Variants in ARSK observed in about 807,000 individuals in gnomAD.
ARSK encodes arylsulfatase family member K, also known as arylsulfatase K.
Under a neutral mutation model 53.2 loss-of-function variants are expected in ARSK, and 37 were observed. That is an observed-to-expected ratio of 0.70 (90% CI 0.54 to 0.92). ARSK has a LOEUF of 0.92. Among genes scored for constraint, ARSK ranks in the 40% least tolerant of loss-of-function variants. The probability of loss-of-function intolerance (pLI) is 0.00; values close to 1 mark genes in which losing one functional copy is unlikely to be tolerated. For synonymous variants in ARSK, 208 were observed against 223.2 expected (o/e 0.93, Z 0.61); for missense variants, 613 against 643.0 (o/e 0.95, Z 0.51).
intron 3 of ARSK, among the ~76,000 whole-genome samples, chr5:95,582,358 A>G (rs1749033499): frequency 6.6e-6 from 1 of 152,120 alleles, no homozygotes. Context: ...CTGGTTTATA[A>G]TGGATATGAA....
At position 95,583,039 on chromosome 5, in the gene ARSK, A is replaced by T; in HGVS notation, c.540A>T (p.Thr180=). Residue 180 remains threonine (T), a synonymous_variant, in exon 4 of 8, where the codon ACA becomes ACT. Coordinates refer to ENST00000380009, the MANE Select transcript of ARSK (RefSeq NM_198150.3). Reference sequence around the variant, plus strand: ...TGATGGAAAGGGATTGGCAGAATACAGACAAAGCAGTAAACTGGTTAAGAA... The same window carrying T: ...TGATGGAAAGGGATTGGCAGAATACTGACAAAGCAGTAAACTGGTTAAGAA... ...VRVMERDWQN[T]DKAVNWLRKE... 2 of 1,613,890 alleles carry T rather than the reference A, an allele frequency of 1.2e-6. No homozygotes were observed. Among genetic ancestry groups the T allele is most frequent in the Non-Finnish European group, 1.7e-6 (2 of 1,179,804 alleles).
chr5:95,591,592 G>C lies in ARSK; in HGVS notation c.1063G>C (p.Val355Leu), dbSNP rs1226748167. ...IKAGLQVSNV[V>L]SLVDIYPTML... ...AGCCGGCCTACAAGTATCAAATGTGGTTTCTCTTGTGGATATTTACCCTAC... is the reference window on the plus strand; with the variant it reads ...AGCCGGCCTACAAGTATCAAATGTGCTTTCTCTTGTGGATATTTACCCTAC... Residue 355 changes from valine to leucine, a missense_variant, in exon 6 of 8, where the codon GTT becomes CTT. Transcript: ENST00000380009. 3.7e-6 allele frequency: 6 copies of C among 1,613,982 alleles called. No individual in the cohort carries two copies. The highest frequency in any genetic ancestry group is 4.2e-6 in the Non-Finnish European group (5 of 1,180,012).
In ARSK at chr5:95,555,303, G is replaced by A; in HGVS notation, c.25G>A (p.Val9Ile). The change falls in exon 1 of 8, where the codon GTC becomes ATC. Residue 9 changes from valine (V) to isoleucine (I), a missense_variant. Coordinates refer to ENST00000380009, the MANE Select transcript of ARSK (RefSeq NM_198150.3). This position sits in a 1 kb window ranked among gnomAD's most constrained non-coding sequence, Gnocchi z 4.0. ...GATGCTACTGCTGTGGGTGTCGGTGGTCGCAGCCTTGGCGCTGGCGGTACT... is the reference window on the plus strand; with the variant it reads ...GATGCTACTGCTGTGGGTGTCGGTGATCGCAGCCTTGGCGCTGGCGGTACT... MLLLWVSV[V>I]AALALAVLAP... The A allele has an allele frequency of 6.2e-7, 1 of 1,603,196 alleles. No individual in the cohort carries two copies. Among genetic ancestry groups the A allele is most frequent in the South Asian group, 1.1e-5 (1 of 90,676 alleles).
intron 7 of ARSK, among the ~76,000 whole-genome samples, chr5:95,602,921 A>G (rs1749427344): frequency 6.6e-6 from 1 of 152,190 alleles, no homozygotes; most frequent in South Asian, 2.1e-4. Flanking sequence ...CAAAGTAGGC[A>G]GGACATCAAA....
intron 3 of ARSK, among the ~76,000 whole-genome samples, chr5:95,576,879 T>A (rs1167753207): frequency 6.6e-6 from 1 of 152,184 alleles, no homozygotes; most frequent in Non-Finnish European, 1.5e-5. Flanking sequence ...AGTTACTGGA[T>A]TATTTTCTTT....
chr5:95,582,482 G>A (rs2112432393), intron 3 of ARSK, among the ~76,000 whole-genome samples: 1 of 152,162 alleles, frequency 6.6e-6, no homozygotes, highest in Middle Eastern at 3.4e-3. Flanking sequence ...AACACATGAA[G>A]TATACATGGT....
rs73147962 is a variant in ARSK, at chr5:95,580,459, A to G, written c.417-2457A>G. ...ACTCTTGTAAGAAGGGGCTGGATAC[A>G]TTGGTTAGTAGAGAGAATTATAATG... On this transcript the variant is annotated intron_variant, in intron 3 of 7. Transcript: ENST00000380009. Among the ~76,000 whole-genome samples, 722 of 152,338 alleles carry G rather than the reference A, an allele frequency of 4.7e-3. 3 individuals are homozygous for G. The highest frequency in any genetic ancestry group is 0.016 in the African/African-American group (675 of 41,574).
intron 6 of ARSK, among the ~76,000 whole-genome samples, chr5:95,594,290 CTTAAA>C (rs1296962290): frequency 6.6e-6 from 1 of 152,118 alleles, no homozygotes; most frequent in Non-Finnish European, 1.5e-5. Context: ...CAATTATTTA[CTTAAA>C]TTAATCTTTT....
intron 1 of ARSK, among the ~76,000 whole-genome samples, chr5:95,561,412 A>T (rs1183362424): frequency 6.6e-6 from 1 of 152,242 alleles, no homozygotes; most frequent in Non-Finnish European, 1.5e-5. Flanking sequence ...CTAGGTGTAT[A>T]TTCAAGGGAA....
chr5:95,600,703 C>T, intron 6 of ARSK, 144 bp from the exon 7 acceptor site: 2 of 846,928 alleles, frequency 2.4e-6, no homozygotes, highest in Non-Finnish European at 3.9e-6. Flanking sequence ...TGAATTTTGG[C>T]AGCCTGTTTA....
chr5:95,569,823 TC>T (rs1353285273), intron 3 of ARSK, among the ~76,000 whole-genome samples: 1 of 152,238 alleles, frequency 6.6e-6, no homozygotes, highest in Non-Finnish European at 1.5e-5. Flanking sequence ...TTAAAATTGC[TC>T]TCCTAGTTAC....
chr5:95,590,875 G>A (rs913630569), intron 5 of ARSK, among the ~76,000 whole-genome samples: 4 of 152,170 alleles, frequency 2.6e-5, no homozygotes, highest in Admixed American at 6.5e-5. Context: ...CTTCTTCAAA[G>A]GTGGGATTTC....
At position 95,593,942 on chromosome 5, in the gene ARSK, A is replaced by G. The variant is rs535032373; in HGVS notation, c.1096+2317A>G. 3.9e-5 allele frequency among the ~76,000 whole-genome samples: 6 copies of G among 152,316 alleles called. No homozygotes were observed. In the East Asian group the frequency reaches 1.2e-3, roughly 29 times the overall value. ...TTTCCCTGCAGAATATGTTTTATTAACAGCATTTAGATCATGTGTTGATTA... is the reference window on the plus strand; with the variant it reads ...TTTCCCTGCAGAATATGTTTTATTAGCAGCATTTAGATCATGTGTTGATTA... On this transcript the variant is annotated intron_variant, in intron 6 of 7. Transcript: ENST00000380009.
At chr5:95,600,747 A>G in intron 6 of ARSK, 100 bp from the exon 7 acceptor site, 1 of 1,184,000 alleles carries the variant, frequency 8.4e-7, no homozygotes, top group Non-Finnish European at 1.2e-6. Context: ...TCTCCATGGC[A>G]TTTAATGGTA....
chr5:95,602,673 A>C (rs1749422968), intron 7 of ARSK, among the ~76,000 whole-genome samples: 1 of 152,214 alleles, frequency 6.6e-6, no homozygotes, highest in Non-Finnish European at 1.5e-5. Flanking sequence ...TGAAATATTT[A>C]TCATTATTTT....
chr5:95,585,081 G>A (rs1749090162), intron 4 of ARSK, among the ~76,000 whole-genome samples: 1 of 151,988 alleles, frequency 6.6e-6, no homozygotes, highest in South Asian at 2.1e-4. Flanking sequence ...TATGAGAAAA[G>A]GCTCAACATC....
At chr5:95,572,726 C>G (rs369235790) in intron 3 of ARSK, among the ~76,000 whole-genome samples, 2 of 149,222 alleles carry the variant, frequency 1.3e-5, no homozygotes, top group Non-Finnish European at 2.9e-5. Context: ...TGCAGCGAGC[C>G]GAGATTGCAC....
chr5:95,576,656 G>C (rs1006927263), intron 3 of ARSK, among the ~76,000 whole-genome samples: 3 of 151,802 alleles, frequency 2.0e-5, no homozygotes, highest in Non-Finnish European at 2.9e-5. Flanking sequence ...AGGCCAAGGC[G>C]GGTGGATCAC....
chr5:95,573,283 G>T (rs1748866681), intron 3 of ARSK, among the ~76,000 whole-genome samples: 3 of 152,086 alleles, frequency 2.0e-5, no homozygotes, highest in Admixed American at 6.5e-5. Context: ...AAAGTGTAAA[G>T]AATTAGGAGG....
Sources: gnomAD v4.1 joint callset for allele counts (sites outside exome capture counted in the v4.1 genomes callset) on GRCh38, gnomAD v4.1.1 for gene constraint, Gnocchi (gnomAD v3.1) non-coding constraint, MANE v1.5 for transcripts, NCBI Gene and HGNC (gene_info 2026-07-23, HGNC 2026-07-21) for gene names.